PTPRS: variants seen among roughly 807,000 people sequenced by gnomAD.
PTPRS encodes receptor-type tyrosine-protein phosphatase S.
A neutral mutation model predicts 215.3 loss-of-function variants in PTPRS; 63 were observed. That is an observed-to-expected ratio of 0.29 (90% CI 0.24 to 0.36). The LOEUF is 0.36. Among genes scored for constraint, PTPRS ranks in the 10% least tolerant of loss-of-function variants. The probability of loss-of-function intolerance (pLI) is 1.00; values close to 1 mark genes in which losing one functional copy is unlikely to be tolerated. For synonymous variants in PTPRS, 1,404 were observed against 1,191.4 expected (o/e 1.18, Z -3.68); for missense variants, 2,258 against 2,825.8 (o/e 0.80, Z 4.56).
chr19:5,308,144 T>A (rs1313103643), intron 1 of PTPRS, among the ~76,000 whole-genome samples: 1 of 152,172 alleles, frequency 6.6e-6, no homozygotes, highest in Non-Finnish European at 1.5e-5. Context: ...CAGAACAACA[T>A]ATTAAAAATA....
At chr19:5,206,875 C>T (rs753758565) in intron 37 of PTPRS, 33 bp from the exon 38 acceptor site, 61 of 1,599,386 alleles carry the variant, frequency 3.8e-5, no homozygotes, top group Admixed American at 1.8e-4. Context: ...TTAGTACCTC[C>T]GCTGCTCTAA....
chr19:5,229,164 C>T (rs1231243945), intron 16 of PTPRS, among the ~76,000 whole-genome samples, 152 bp downstream of exon 16: 3 of 152,186 alleles, frequency 2.0e-5, no homozygotes, highest in East Asian at 3.9e-4. Flanking sequence ...GCTGGGCGCT[C>T]CAAGAGGTAA....
At chr19:5,234,187 TTTA>T (rs1415653833) in intron 13 of PTPRS, among the ~76,000 whole-genome samples, 1 of 150,428 alleles carries the variant, frequency 6.6e-6, no homozygotes, top group Non-Finnish European at 1.5e-5. Flanking sequence ...AGTAAAAGCA[TTTA>T]TTTACTGAAC....
chr19:5,241,867 C>T (rs1031181851), intron 11 of PTPRS, among the ~76,000 whole-genome samples: 17 of 151,642 alleles, frequency 1.1e-4, no homozygotes, highest in Admixed American at 2.0e-4. Context: ...CAGAGTTTCG[C>T]TCTTGTTGCC....
Position 5,287,061 on chromosome 19 carries a change from T to G in PTPRS, c.-94-827A>C, listed in dbSNP as rs1389071585. On this transcript the variant is annotated intron_variant, in intron 1 of 37. Transcript: ENST00000262963. This position sits in a 1 kb window ranked among gnomAD's most constrained non-coding sequence, Gnocchi z 4.8. ...CCCTGCCCTGCTCTAAGACCTCCCATGGCTCCCAGAGCCCCCAGGGGAAGC... is the reference window on the plus strand; with the variant it reads ...CCCTGCCCTGCTCTAAGACCTCCCAGGGCTCCCAGAGCCCCCAGGGGAAGC... Among the ~76,000 whole-genome samples, 3 of 152,176 alleles carry G rather than the reference T, an allele frequency of 2.0e-5. No individual in the cohort carries two copies. The highest frequency in any genetic ancestry group is 7.2e-5 in the African/African-American group (3 of 41,440).
intron 9 of PTPRS, among the ~76,000 whole-genome samples, chr19:5,252,980 G>A (rs1017354496): frequency 4.0e-5 from 6 of 151,832 alleles, no homozygotes; most frequent in African/African-American, 1.5e-4. Flanking sequence ...CCATTTACAT[G>A]GGTCCTGTGC....
chr19:5,255,497 G>A (rs1328428591), intron 9 of PTPRS, among the ~76,000 whole-genome samples: 2 of 151,596 alleles, frequency 1.3e-5, no homozygotes, highest in Non-Finnish European at 2.9e-5. Flanking sequence ...CGCTTTGGGG[G>A]AGAAGAGGAC....
intron 2 of PTPRS, among the ~76,000 whole-genome samples, chr19:5,276,779 T>C (rs2047407768): frequency 6.6e-6 from 1 of 152,068 alleles, no homozygotes; most frequent in African/African-American, 2.4e-5. Context: ...CCTGACCTCG[T>C]GATCCGCCCG....
chr19:5,303,331 T>G (rs971843816), intron 1 of PTPRS, among the ~76,000 whole-genome samples: 10 of 152,124 alleles, frequency 6.6e-5, no homozygotes, highest in Non-Finnish European at 1.3e-4. Context: ...GGGCTTGGTG[T>G]AGCTCCTAAT....
In PTPRS at chr19:5,231,533, C is replaced by A. The variant is rs148862245; in HGVS notation, c.1932G>T (p.Pro644=). 6.8e-6 allele frequency: 11 copies of A among 1,610,310 alleles called. No individual in the cohort carries two copies. In the South Asian group the frequency reaches 1.1e-4, roughly 16 times the overall value. ...AILVSWRPPP[P]ETHNGALVGY... The stretch of plus-strand genomic sequence containing the variant: ...CCACCAGGGCCCCGTTGTGCGTTTC[C>A]GGCGGCGGCGGGCGCCAACTTACCA... The change falls in exon 14 of 38, where the codon CCG becomes CCT. Residue 644 remains proline, a synonymous_variant. Coordinates refer to ENST00000262963, the MANE Select transcript of PTPRS (RefSeq NM_002850.4).
rs200076643 is a variant in PTPRS, at chr19:5,239,041, G to C, written c.1727C>G (p.Thr576Arg). The C allele has an allele frequency of 6.2e-6, 10 of 1,613,220 alleles. No homozygotes were observed. The Admixed American group carries it at 1.3e-4, about 22-fold the overall frequency. Residue 576 changes from threonine (T) to arginine (R), a missense_variant, in exon 13 of 38, where the codon ACG becomes AGG. Around this residue, in one of 6 missense-constraint regions of PTPRS, gnomAD observed 371 missense variants for 446.7 expected, o/e 0.83. Coordinates refer to ENST00000262963, the MANE Select transcript of PTPRS (RefSeq NM_002850.4). ...GREVGRTFDP[T>R]TSYVVEDLKP... ...CAGGTCCTCCACCACGTAGGAAGTC[G>C]TCGGGTCGAAGGTCCTTCCCACCTG...
intron 9 of PTPRS, among the ~76,000 whole-genome samples, chr19:5,247,219 T>TTAA (rs55811284): frequency 3.4e-5 from 5 of 148,518 alleles, no homozygotes; most frequent in Non-Finnish European, 5.9e-5. Context: ...ATAATAATAA[T>TTAA]TAATAATAAT....
chr19:5,287,560 AC>A lies in PTPRS; in HGVS notation c.-94-1327del, dbSNP rs1289874169. Among the ~76,000 whole-genome samples, 1 of 152,110 alleles carries A rather than the reference AC, an allele frequency of 6.6e-6. No individual in the cohort carries two copies. Among genetic ancestry groups the A allele is most frequent in the African/African-American group, 2.4e-5 (1 of 41,430 alleles). ...ATCTTTGTTGCCTAGTCAGGCTGGC[AC>A]CCATGCCAGCCCATGCCCTGGGCGG... On this transcript the variant is annotated intron_variant, in intron 1 of 37. Transcript: ENST00000262963. This position sits in a 1 kb window ranked among gnomAD's most constrained non-coding sequence, Gnocchi z 4.8.
chr19:5,260,963 T>A (rs1052950120), intron 6 of PTPRS, 141 bp from the exon 7 acceptor site: 2 of 1,006,974 alleles, frequency 2.0e-6, no homozygotes, highest in African/African-American at 1.6e-5. Flanking sequence ...GCCCTGGGCA[T>A]ACGGACCCTG....
rs2045636993 is a variant in PTPRS, at chr19:5,257,353, C to T, written c.706+664G>A. 1.3e-5 allele frequency: 6 copies of T among 449,760 alleles called. No individual in the cohort carries two copies. The highest frequency in any genetic ancestry group is 1.2e-4 in the Admixed American group (5 of 41,790). 27.9% of individuals were successfully genotyped at this position (449,760 alleles called of 1,614,324 possible). ...TCGCTGGGTGCCGTGCCTGCCCCAG[C>T]TCGGTGCAACTACCGAGCCCCCCGG... is the stretch of plus-strand genomic sequence containing the variant. On this transcript the variant is annotated intron_variant, in intron 8 of 37. Transcript: ENST00000262963. The surrounding 1 kb of genome is among the most constrained non-coding windows in gnomAD (Gnocchi z 4.4).
intron 9 of PTPRS, among the ~76,000 whole-genome samples, chr19:5,250,140 T>A (rs531562345): frequency 5.3e-5 from 8 of 152,362 alleles, no homozygotes; most frequent in Non-Finnish European, 1.2e-4. Context: ...CAATAAATTA[T>A]AATGGCTCCT....
At chr19:5,233,265 A>G (rs147983638) in intron 13 of PTPRS, among the ~76,000 whole-genome samples, 333 of 151,822 alleles carry the variant, frequency 2.2e-3, no homozygotes, top group Non-Finnish European at 3.7e-3. Context: ...TGCCAGCGCC[A>G]AGCACTTCAC....
chr19:5,296,310 T>C (rs750578853), intron 1 of PTPRS, among the ~76,000 whole-genome samples: 33 of 152,246 alleles, frequency 2.2e-4, no homozygotes, highest in Non-Finnish European at 4.1e-4. Flanking sequence ...GAGACCAGCC[T>C]GGGCAATATA....
At chr19:5,300,373 T>A (rs1385775214) in intron 1 of PTPRS, among the ~76,000 whole-genome samples, 1 of 152,112 alleles carries the variant, frequency 6.6e-6, no homozygotes, top group Non-Finnish European at 1.5e-5. Context: ...CTTCCATCAC[T>A]GCAGAAAGTT....
Sources: allele counts gnomAD v4.1 joint callset (sites outside exome capture counted in the v4.1 genomes callset), GRCh38; gene constraint gnomAD v4.1.1; regional missense constraint gnomAD v4.1.1; non-coding constraint Gnocchi (gnomAD v3.1); transcripts MANE v1.5; gene names NCBI Gene and HGNC (gene_info 2026-07-23, HGNC 2026-07-21).